Variants in VAT1L observed in about 807,000 individuals in gnomAD.
VAT1L encodes putative NADPH-dependent quinone oxidoreductase VAT1L.
A neutral mutation model predicts 44.1 loss-of-function variants in VAT1L; 34 were observed. That is an observed-to-expected ratio of 0.77 (90% CI 0.59 to 1.03). The LOEUF (loss-of-function observed/expected upper bound fraction) is 1.03, where lower values mean the gene tolerates loss of function less well. VAT1L is among the 50% of genes least tolerant of loss of function. VAT1L has a pLI of 0.00. For missense variants in VAT1L, 615 were observed against 538.8 expected, an observed-to-expected ratio of 1.14 and a Z score of -1.40; for synonymous variants, 253 against 202.2, an observed-to-expected ratio of 1.25 and a Z score of -2.13.
intron 7 of VAT1L, among the ~76,000 whole-genome samples, chr16:77,901,539 G>C (rs1225261376): frequency 6.6e-6 from 1 of 152,118 alleles, no homozygotes; most frequent in Non-Finnish European, 1.5e-5. Context: ...TCATTCAAAA[G>C]AATTGTTACC....
intron 7 of VAT1L, among the ~76,000 whole-genome samples, chr16:77,896,622 T>A (rs1482872067): frequency 6.6e-6 from 1 of 152,210 alleles, no homozygotes. Context: ...ACACAGGATA[T>A]GCCCCGCGAA....
chr16:77,840,214 C>CA (rs1461157619), intron 3 of VAT1L, among the ~76,000 whole-genome samples: 2 of 152,306 alleles, frequency 1.3e-5, no homozygotes, highest in African/African-American at 4.8e-5. Context: ...TTACCTTGTA[C>CA]ACGTTTTAGT....
At chr16:77,938,960 T>G (rs1247003418) in intron 7 of VAT1L, among the ~76,000 whole-genome samples, 1 of 151,994 alleles carries the variant, frequency 6.6e-6, no homozygotes, top group Non-Finnish European at 1.5e-5. Flanking sequence ...GGTTGGGTGG[T>G]GTGACCCTGG....
chr16:77,920,238 A>G (rs1233740883), intron 7 of VAT1L, among the ~76,000 whole-genome samples: 1 of 152,220 alleles, frequency 6.6e-6, no homozygotes, highest in African/African-American at 2.4e-5. Flanking sequence ...TTTTCATTCA[A>G]GTCTGGCCAT....
chr16:77,869,665 T>C (rs2017010248), intron 4 of VAT1L, among the ~76,000 whole-genome samples: 2 of 151,972 alleles, frequency 1.3e-5, no homozygotes, highest in South Asian at 4.2e-4. Context: ...CAAGACCCAG[T>C]CTCAATGATT....
chr16:77,977,490 C>T (rs2018353469), intron 8 of VAT1L, 107 bp from the exon 9 acceptor site: 1 of 1,119,870 alleles, frequency 8.9e-7, no homozygotes, highest in Non-Finnish European at 1.3e-6. Flanking sequence ...AACAAGCAAC[C>T]CTAGTTCCTA....
At chr16:77,798,657 A>G (rs2145210089) in intron 1 of VAT1L, among the ~76,000 whole-genome samples, 1 of 152,314 alleles carries the variant, frequency 6.6e-6, no homozygotes, top group South Asian at 2.1e-4. Flanking sequence ...GGAGTCCCTC[A>G]TTCAGACTCC....
chr16:77,934,495 C>CA (rs2017769217), intron 7 of VAT1L, among the ~76,000 whole-genome samples: 2 of 152,088 alleles, frequency 1.3e-5, no homozygotes, highest in African/African-American at 4.8e-5. Context: ...CTAGAGCCTC[C>CA]AGAAGGAACA....
intron 7 of VAT1L, among the ~76,000 whole-genome samples, chr16:77,954,798 C>T (rs923891462): frequency 6.6e-6 from 1 of 152,142 alleles, no homozygotes; most frequent in Non-Finnish European, 1.5e-5. Flanking sequence ...GGTTCTAAAA[C>T]GTCAGAGTTC....
intron 1 of VAT1L, among the ~76,000 whole-genome samples, chr16:77,805,592 C>T (rs1196416622): frequency 2.1e-5 from 3 of 143,248 alleles, no homozygotes; most frequent in African/African-American, 7.8e-5. Context: ...CGCACGAGGT[C>T]TGCTTGCTTC....
At chr16:77,924,109 A>G (rs1394595487) in intron 7 of VAT1L, among the ~76,000 whole-genome samples, 1 of 152,150 alleles carries the variant, frequency 6.6e-6, no homozygotes, top group African/African-American at 2.4e-5. Context: ...TGTACATAAT[A>G]CAGATGTCAG....
intron 4 of VAT1L, among the ~76,000 whole-genome samples, chr16:77,873,161 A>G (rs925015327): frequency 6.6e-6 from 1 of 152,226 alleles, no homozygotes; most frequent in Admixed American, 6.5e-5. Context: ...TGGCTTGAAC[A>G]TTTATTAAGT....
intron 1 of VAT1L, among the ~76,000 whole-genome samples, chr16:77,794,616 G>T (rs1323382133): frequency 6.6e-6 from 1 of 152,182 alleles, no homozygotes; most frequent in Non-Finnish European, 1.5e-5. Context: ...TATTCCCTGT[G>T]TTTATTCAAA....
intron 7 of VAT1L, among the ~76,000 whole-genome samples, chr16:77,938,165 G>C (rs2017827269): frequency 6.6e-6 from 1 of 152,174 alleles, no homozygotes; most frequent in Admixed American, 6.5e-5. Context: ...ATGGGCCCCA[G>C]AGTTTTCTGT....
intron 7 of VAT1L, chr16:77,892,458 G>C (rs775764121): frequency 2.0e-6 from 1 of 505,210 alleles, no homozygotes; most frequent in Non-Finnish European, 4.0e-6. Flanking sequence ...TTGACAGTGC[G>C]GTTGATGGTG....
At chr16:77,908,686 T>G in intron 7 of VAT1L, among the ~76,000 whole-genome samples, 1 of 151,846 alleles carries the variant, frequency 6.6e-6, no homozygotes, top group African/African-American at 2.4e-5. Context: ...GAGGCCGAGA[T>G]GGGCAGATCA....
At chr16:77,892,980 T>G in intron 7 of VAT1L, 1 of 677,720 alleles carries the variant, frequency 1.5e-6, no homozygotes, top group Non-Finnish European at 2.6e-6. Context: ...GAGGGTACCC[T>G]CCATCCCATT....
In VAT1L at chr16:77,788,736, G is replaced by A; in HGVS notation, c.54G>A (p.Lys18=). The change falls in exon 1 of 9, where the codon AAG becomes AAA. Residue 18 remains lysine, a synonymous_variant. Coordinates refer to ENST00000302536, the MANE Select transcript of VAT1L (RefSeq NM_020927.3). ...AGGAGACGGAGCAAATGATCGAGAA[G>A]GAGGCAGGCAAGGAGCCGGCGGAGG... ...KAEETEQMIE[K]EAGKEPAEGG... is the part of the protein sequence containing the mutation. 6.4e-7 allele frequency: 1 copy of A among 1,560,008 alleles called. No individual in the cohort carries two copies. The highest frequency in any genetic ancestry group is 8.7e-7 in the Non-Finnish European group (1 of 1,151,494).
intron 7 of VAT1L, among the ~76,000 whole-genome samples, chr16:77,930,899 C>A (rs1322032177): frequency 1.3e-5 from 2 of 152,168 alleles, no homozygotes; most frequent in Non-Finnish European, 2.9e-5. Flanking sequence ...ATCTAAGACA[C>A]AACATTCAAC....
Sources: gnomAD v4.1 joint callset for allele counts (sites outside exome capture counted in the v4.1 genomes callset) on GRCh38, gnomAD v4.1.1 for gene constraint, MANE v1.5 for transcripts, NCBI Gene and HGNC (gene_info 2026-07-23, HGNC 2026-07-21) for gene names.